The following GPC5 variants were observed in gnomAD, a reference collection of about 807,000 sequenced individuals.
The protein encoded by GPC5 is glypican-5.
A neutral mutation model predicts 53.9 loss-of-function variants in GPC5; 47 were observed. The ratio of observed to expected loss-of-function variants is 0.87; its 90% CI spans 0.69 to 1.11. The LOEUF (loss-of-function observed/expected upper bound fraction) is 1.11, where lower values mean the gene tolerates loss of function less well. Among genes scored for constraint, GPC5 ranks in the 50% most tolerant of loss-of-function variants. The probability of loss-of-function intolerance (pLI) is 0.00; values close to 1 mark genes in which losing one functional copy is unlikely to be tolerated. For synonymous variants in GPC5, 286 were observed against 263.3 expected (o/e 1.09, Z -0.84); for missense variants, 748 against 713.1 (o/e 1.05, Z -0.56).
chr13:92,494,390 A>C (rs1451224229), intron 7 of GPC5, among the ~76,000 whole-genome samples: 1 of 152,156 alleles, frequency 6.6e-6, no homozygotes, highest in Admixed American at 6.5e-5. Context: ...CGCCTGGCCA[A>C]GAATTACTTT....
At chr13:92,844,370 A>C (rs1878530977) in intron 7 of GPC5, among the ~76,000 whole-genome samples, 1 of 152,192 alleles carries the variant, frequency 6.6e-6, no homozygotes, top group Non-Finnish European at 1.5e-5. Context: ...CTCATAAAAC[A>C]AGCATGGGAA....
At chr13:92,695,054 CCTT>C (rs1887518759) in intron 7 of GPC5, among the ~76,000 whole-genome samples, 1 of 152,220 alleles carries the variant, frequency 6.6e-6, no homozygotes, top group East Asian at 1.9e-4. Flanking sequence ...TTCCCCTTCA[CCTT>C]CTGCCATAAT....
chr13:92,209,580 G>A (rs1224852938), intron 7 of GPC5, among the ~76,000 whole-genome samples: 1 of 152,052 alleles, frequency 6.6e-6, no homozygotes, highest in Admixed American at 6.6e-5. Flanking sequence ...GCTTGCCCCT[G>A]AATCTGTGAG....
chr13:92,304,203 C>CT (rs574804430), intron 7 of GPC5, among the ~76,000 whole-genome samples: 18,826 of 143,944 alleles, frequency 0.13, 1,420 homozygotes, highest in African/African-American at 0.22. Context: ...CATTTACTTT[C>CT]TTTTTTTTTT....
chr13:92,470,336 T>C (rs1878860055), intron 7 of GPC5, among the ~76,000 whole-genome samples: 1 of 152,178 alleles, frequency 6.6e-6, no homozygotes, highest in African/African-American at 2.4e-5. Flanking sequence ...TTTTATAACA[T>C]AATTGAACAC....
intron 6 of GPC5, among the ~76,000 whole-genome samples, chr13:92,073,258 C>G (rs2041227319): frequency 6.6e-6 from 1 of 152,150 alleles, no homozygotes; most frequent in East Asian, 1.9e-4. Flanking sequence ...TTTGCTTATT[C>G]ATAACTATAG....
At chr13:91,537,096 A>G (rs1485511945) in intron 2 of GPC5, among the ~76,000 whole-genome samples, 1 of 152,140 alleles carries the variant, frequency 6.6e-6, no homozygotes, top group African/African-American at 2.4e-5. Context: ...ATTATGAAAG[A>G]AAAAAAGGTT....
intron 2 of GPC5, among the ~76,000 whole-genome samples, chr13:91,579,830 T>C (rs2032290029): frequency 6.6e-6 from 1 of 151,830 alleles, no homozygotes; most frequent in Non-Finnish European, 1.5e-5. Context: ...TTTCACCATG[T>C]TGGCCTGGTT....
chr13:91,769,772 G>A (rs1031537675), intron 5 of GPC5, among the ~76,000 whole-genome samples: 3 of 152,032 alleles, frequency 2.0e-5, no homozygotes, highest in Non-Finnish European at 4.4e-5. Flanking sequence ...ATGGGGGTGG[G>A]GAGAATCTGT....
intron 7 of GPC5, among the ~76,000 whole-genome samples, chr13:92,525,102 G>T (rs761126565): frequency 7.9e-5 from 12 of 151,968 alleles, no homozygotes; most frequent in Non-Finnish European, 4.4e-5. Context: ...CCATACCATC[G>T]CATGGCACAT....
At chr13:92,350,100 T>C (rs1183653689) in intron 7 of GPC5, among the ~76,000 whole-genome samples, 1 of 152,196 alleles carries the variant, frequency 6.6e-6, no homozygotes, top group Non-Finnish European at 1.5e-5. Flanking sequence ...GTAACTGTGA[T>C]ACATCACATT....
At chr13:92,548,763 T>C (rs1250732603) in intron 7 of GPC5, among the ~76,000 whole-genome samples, 1 of 152,104 alleles carries the variant, frequency 6.6e-6, no homozygotes, top group African/African-American at 2.4e-5. Context: ...TATTTCTTGG[T>C]TTTATTTCTT....
chr13:92,582,729 T>C (rs1346130350), intron 7 of GPC5, among the ~76,000 whole-genome samples: 3 of 152,156 alleles, frequency 2.0e-5, no homozygotes, highest in Non-Finnish European at 4.4e-5. Context: ...TGGTTAAATT[T>C]ATTCTTATGT....
At chr13:91,596,240 GTCT>G (rs2032990892) in intron 2 of GPC5, among the ~76,000 whole-genome samples, 1 of 151,684 alleles carries the variant, frequency 6.6e-6, no homozygotes, top group Admixed American at 6.6e-5. Flanking sequence ...ATCTATTGTT[GTCT>G]TATATTAAAG....
At chr13:92,403,310 C>T (rs1875641663) in intron 7 of GPC5, among the ~76,000 whole-genome samples, 1 of 152,106 alleles carries the variant, frequency 6.6e-6, no homozygotes. Context: ...AACTTGGAAC[C>T]CATTAGCATG....
At chr13:91,629,474 C>G (rs908214884) in intron 2 of GPC5, among the ~76,000 whole-genome samples, 23 of 151,988 alleles carry the variant, frequency 1.5e-4, no homozygotes, top group African/African-American at 2.4e-5. Flanking sequence ...GAAACTCCGC[C>G]TCTACTAAGA....
At chr13:91,686,826 G>T (rs1483783013) in intron 2 of GPC5, among the ~76,000 whole-genome samples, 1 of 151,920 alleles carries the variant, frequency 6.6e-6, no homozygotes, top group African/African-American at 2.4e-5. Flanking sequence ...CTCTAAAGTA[G>T]CAGAGTAGTA....
At chr13:91,488,963 A>G (rs188581732) in intron 2 of GPC5, among the ~76,000 whole-genome samples, 7 of 152,336 alleles carry the variant, frequency 4.6e-5, no homozygotes, top group Admixed American at 1.3e-4. Flanking sequence ...TTATGGTCGT[A>G]GCTGTGGGAT....
At chr13:92,787,666 A>AC in intron 7 of GPC5, among the ~76,000 whole-genome samples, 1 of 137,564 alleles carries the variant, frequency 7.3e-6, no homozygotes, top group East Asian at 2.1e-4. Flanking sequence ...CCTCATAGCT[A>AC]CAAAAAAAAA....
Sources: gnomAD v4.1 joint callset for allele counts (sites outside exome capture counted in the v4.1 genomes callset) on GRCh38, gnomAD v4.1.1 for gene constraint, MANE v1.5 for transcripts, NCBI Gene and HGNC (gene_info 2026-07-23, HGNC 2026-07-21) for gene names.